The following USP9X variants were observed in gnomAD, a reference collection of about 807,000 sequenced individuals.
USP9X encodes the protein ubiquitin specific peptidase 9 X-linked.
USP9X carries 7 observed loss-of-function variants against 190.3 expected under a neutral mutation model. The ratio of observed to expected loss-of-function variants is 0.04; its 90% CI spans 0.02 to 0.07. The LOEUF (loss-of-function observed/expected upper bound fraction) is 0.07. Among genes scored for constraint, USP9X ranks in the 10% least tolerant of loss-of-function variants. USP9X has a pLI of 1.00. For synonymous variants in USP9X, 645 were observed against 659.5 expected, an observed-to-expected ratio of 0.98 and a Z score of 0.34; for missense variants, 1,010 against 1,916.9, an observed-to-expected ratio of 0.53 and a Z score of 8.83.
chrX:41,213,163 G>A (rs1048598028), intron 33 of USP9X, among the ~76,000 whole-genome samples: 7 of 111,369 alleles, frequency 6.3e-5, no homozygotes, highest in Admixed American at 9.5e-5. Context: ...TGGGCATGGG[G>A]GTGGACTCCT....
At chrX:41,119,399 A>G (rs965831806) in intron 1 of USP9X, among the ~76,000 whole-genome samples, 2 of 111,567 alleles carry the variant, frequency 1.8e-5, no homozygotes, top group South Asian at 3.8e-4. Context: ...ATTTAAAAAG[A>G]AAGAGAAGGG....
chrX:41,130,811 C>A (rs745433652), intron 3 of USP9X, among the ~76,000 whole-genome samples: 1 of 109,774 alleles, frequency 9.1e-6, no homozygotes, highest in Non-Finnish European at 1.9e-5. Flanking sequence ...CTGCAACCTC[C>A]GCCTCCCAGG....
chrX:41,120,410 A>G (rs1486973603), intron 1 of USP9X, among the ~76,000 whole-genome samples: 1 of 112,023 alleles, frequency 8.9e-6, no homozygotes, highest in Non-Finnish European at 1.9e-5. Flanking sequence ...TGTATTTATT[A>G]GTCACTTCTA....
At chrX:41,187,720 A>G (rs1296848917) in intron 24 of USP9X, among the ~76,000 whole-genome samples, 1 of 111,302 alleles carries the variant, frequency 9.0e-6, no homozygotes, top group South Asian at 3.8e-4. Flanking sequence ...ACTTGGGAGC[A>G]TGAGGTAGGA....
At chrX:41,181,023 T>C (rs1053064837) in intron 21 of USP9X, among the ~76,000 whole-genome samples, 19 of 111,529 alleles carry the variant, frequency 1.7e-4, no homozygotes, top group African/African-American at 5.9e-4. Context: ...TTCTTTTCAT[T>C]CTGAATCTTT....
At chrX:41,208,762 C>T (rs1225616908) in intron 32 of USP9X, among the ~76,000 whole-genome samples, 1 of 109,660 alleles carries the variant, frequency 9.1e-6, no homozygotes, top group Non-Finnish European at 1.9e-5. Context: ...GGCTGGAGTG[C>T]AGTGGCGTGA....
chrX:41,225,395 G>C (rs1452773144), intron 41 of USP9X, among the ~76,000 whole-genome samples: 3 of 111,982 alleles, frequency 2.7e-5, no homozygotes, highest in Non-Finnish European at 5.6e-5. Flanking sequence ...TTAAGGAGGA[G>C]CTAGCTTGGG....
At position 41,130,727 on chromosome X, in the gene USP9X, C is replaced by CTT. The variant is rs199527382; in HGVS notation, c.243-721_243-720dup. ...TCTTGATCTCTTTTCTTTTCTTTTT[C>CTT]TTTTTTTTTTCCTTTTGAGACGGTG... On this transcript the variant is annotated intron_variant, in intron 3 of 44. Coordinates refer to ENST00000378308, the MANE Select transcript of USP9X (RefSeq NM_001039591.3). Among the ~76,000 whole-genome samples the CTT allele has an allele frequency of 2.6e-4, 25 of 96,470 alleles. 1 individual carries two copies. Among genetic ancestry groups the CTT allele is most frequent in the Admixed American group, 1.4e-3 (12 of 8,664 alleles). 83.8% of individuals were successfully genotyped at this position (96,470 alleles called of 115,157 possible).
At chrX:41,101,071 G>T (rs1344659506) in intron 1 of USP9X, among the ~76,000 whole-genome samples, 1 of 111,434 alleles carries the variant, frequency 9.0e-6, no homozygotes, top group Non-Finnish European at 1.9e-5. Context: ...TGGGGAGAAG[G>T]TACCACATAC....
intron 30 of USP9X, 111 bp from the exon 31 acceptor site, chrX:41,200,949 T>A: frequency 1.3e-6 from 1 of 760,584 alleles, no homozygotes. Flanking sequence ...GCTGTAGGGT[T>A]AGTCGAATTA....
intron 14 of USP9X, among the ~76,000 whole-genome samples, chrX:41,161,776 G>T (rs970012570): frequency 1.9e-5 from 2 of 103,993 alleles, no homozygotes; most frequent in Non-Finnish European, 3.9e-5. Context: ...TTGAGACAGG[G>T]TCTTGCTATG....
chrX:41,092,117 T>G (rs2061958916), intron 1 of USP9X, among the ~76,000 whole-genome samples: 1 of 111,838 alleles, frequency 8.9e-6, no homozygotes, highest in South Asian at 3.7e-4. Context: ...ACCATGTTAG[T>G]CAACCATAAT....
chrX:41,158,708 G>A lies in USP9X; in HGVS notation c.1898-4082G>A, dbSNP rs754148539. On this transcript the variant is annotated intron_variant, in intron 14 of 44. Coordinates refer to ENST00000378308, the MANE Select transcript of USP9X (RefSeq NM_001039591.3). ...TTTTGGCACTAGGGACTGGTTTTGT[G>A]GAAGACAGTTTTTCCACGGACTGGG... is the stretch of plus-strand genomic sequence containing the variant. Among the ~76,000 whole-genome samples, 41 of 111,282 alleles carry A rather than the reference G, an allele frequency of 3.7e-4. 1 individual carries two copies. The South Asian group carries it at 0.011, about 31-fold the overall frequency.
intron 2 of USP9X, among the ~76,000 whole-genome samples, chrX:41,125,643 A>AAC (rs748348083): frequency 1.9e-3 from 52 of 27,699 alleles, no homozygotes; most frequent in South Asian, 5.6e-3. Flanking sequence ...CCCTCCCGCC[A>AAC]ACACACACAC....
At chrX:41,106,522 ATTTT>A (rs35038623) in intron 1 of USP9X, among the ~76,000 whole-genome samples, 4 of 58,787 alleles carry the variant, frequency 6.8e-5, no homozygotes, top group East Asian at 4.7e-4. Flanking sequence ...TTCTGAATTA[ATTTT>A]TTTTTTTTTT....
intron 1 of USP9X, among the ~76,000 whole-genome samples, chrX:41,104,406 A>C (rs899961424): frequency 8.9e-6 from 1 of 112,336 alleles, no homozygotes; most frequent in African/African-American, 3.2e-5. Context: ...TTTAAAAAAT[A>C]GGACAAAATA....
chrX:41,170,748 A>C (rs989991914), intron 20 of USP9X, 129 bp downstream of exon 20: 37 of 627,657 alleles, frequency 5.9e-5, no homozygotes, highest in Admixed American at 1.3e-4. Context: ...AAATACAGTT[A>C]ACCACCAACT....
chrX:41,107,364 C>A (rs2062078418), intron 1 of USP9X, among the ~76,000 whole-genome samples: 1 of 112,345 alleles, frequency 8.9e-6, no homozygotes, highest in Admixed American at 9.4e-5. Context: ...CATCCCACTG[C>A]CTTCTGGCCT....
intron 2 of USP9X, among the ~76,000 whole-genome samples, chrX:41,125,682 A>ACTCTCTCTCTCTCTCTCTCT (rs1477045514): frequency 1.3e-4 from 3 of 22,844 alleles, no homozygotes; most frequent in Non-Finnish European, 2.5e-4. Context: ...ACACACACAC[A>ACTCTCTCTCTCTCTCTCTCT]CACTCTCTCT....
Sources: gnomAD v4.1 joint callset for allele counts (sites outside exome capture counted in the v4.1 genomes callset) on GRCh38, gnomAD v4.1.1 for gene constraint, MANE v1.5 for transcripts, NCBI Gene and HGNC (gene_info 2026-07-23, HGNC 2026-07-21) for gene names.